The following CASQ2 variants were observed in gnomAD, a reference collection of about 807,000 sequenced individuals.
The protein encoded by CASQ2 is calsequestrin 2, also known as calsequestrin-2.
A neutral mutation model predicts 46.5 loss-of-function variants in CASQ2; 49 were observed. The observed-to-expected ratio is 1.05, with a 90% CI of 0.84 to 1.34. The LOEUF is 1.34. CASQ2 is among the 40% of genes most tolerant of loss of function. CASQ2 has a pLI of 0.00. For missense variants in CASQ2, 486 were observed against 481.3 expected, an observed-to-expected ratio of 1.01 and a Z score of -0.09; for synonymous variants, 174 against 168.5, an observed-to-expected ratio of 1.03 and a Z score of -0.25.
At chr1:115,742,418 G>A (rs1648219865) in intron 2 of CASQ2, among the ~76,000 whole-genome samples, 1 of 152,038 alleles carries the variant, frequency 6.6e-6, no homozygotes, top group Non-Finnish European at 1.5e-5. Flanking sequence ...CAACTTGATA[G>A]AGGCCAAAAT....
intron 1 of CASQ2, among the ~76,000 whole-genome samples, chr1:115,768,080 G>A (rs988819066): frequency 2.0e-5 from 3 of 152,186 alleles, no homozygotes; most frequent in Admixed American, 6.5e-5. Context: ...CAGACCCATC[G>A]TAGTGTAGCA....
intron 1 of CASQ2, among the ~76,000 whole-genome samples, chr1:115,748,848 C>T (rs1197476992): frequency 6.6e-6 from 1 of 152,092 alleles, no homozygotes; most frequent in African/African-American, 2.4e-5. Context: ...TAGTAAGTTT[C>T]CTTACTCCTA....
In CASQ2 at chr1:115,701,367, C is replaced by T. The variant is rs753872950; in HGVS notation, c.1074G>A (p.Leu358=). ...DDDDLPTAEE[L]EDWIEDVLSG... ...AAAGCACATCCTCAATCCAGTCCTC[C>T]AGCTCCTCAGCAGTTGGAAGATCGT... The change falls in exon 11 of 11, where the codon CTG becomes CTA. Residue 358 remains leucine (L), a synonymous_variant. Coordinates refer to ENST00000261448, the MANE Select transcript of CASQ2 (RefSeq NM_001232.4). The T allele has an allele frequency of 2.2e-5, 35 of 1,613,862 alleles. No individual in the cohort carries two copies. In the East Asian group the frequency reaches 7.6e-4, roughly 35 times the overall value.
chr1:115,707,177 C>A lies in CASQ2; in HGVS notation c.839-1885G>T, dbSNP rs529598485. Among the ~76,000 whole-genome samples, 14 of 152,178 alleles carry A rather than the reference C, an allele frequency of 9.2e-5. No individual in the cohort carries two copies. The Middle Eastern group carries it at 0.017, about 185-fold the overall frequency. On this transcript the variant is annotated intron_variant, in intron 8 of 10. Transcript: ENST00000261448. The stretch of plus-strand genomic sequence containing the variant: ...AACTACAGGTGTGTGCCACTATGCC[C>A]AGCTAGTCTTTTAAATTTTATTGTT...
chr1:115,749,968 A>G (rs1427440943), intron 1 of CASQ2, among the ~76,000 whole-genome samples: 1 of 152,226 alleles, frequency 6.6e-6, no homozygotes, highest in East Asian at 1.9e-4. Flanking sequence ...TCTGGCACTT[A>G]TTGTGTAATC....
Position 115,768,699 on chromosome 1 carries a change from G to T in CASQ2, c.-158C>A. 1.6e-6 allele frequency: 1 copy of T among 639,946 alleles called. No individual in the cohort carries two copies. Among genetic ancestry groups the T allele is most frequent in the Non-Finnish European group, 2.8e-6 (1 of 358,834 alleles). 39.6% of individuals were successfully genotyped at this position (639,946 alleles called of 1,614,324 possible). On this transcript the variant is annotated 5_prime_UTR_variant, in exon 1 of 11. Coordinates refer to ENST00000261448, the MANE Select transcript of CASQ2 (RefSeq NM_001232.4). Reference sequence around the variant, plus strand: ...CTGAAAAGTGACTCTTCACCTCCTTGGGTCCAGCCAGCTCTGGAATCGTGG... The same window carrying T: ...CTGAAAAGTGACTCTTCACCTCCTTTGGTCCAGCCAGCTCTGGAATCGTGG...
chr1:115,708,805 TG>T (rs1406520624), intron 8 of CASQ2, among the ~76,000 whole-genome samples: 2 of 152,038 alleles, frequency 1.3e-5, no homozygotes, highest in Non-Finnish European at 2.9e-5. Flanking sequence ...GCACTGGGAG[TG>T]GGGTAGAGGC....
At chr1:115,750,106 A>G (rs1374064291) in intron 1 of CASQ2, among the ~76,000 whole-genome samples, 1 of 152,214 alleles carries the variant, frequency 6.6e-6, no homozygotes, top group Non-Finnish European at 1.5e-5. Flanking sequence ...GAATGGGTGG[A>G]TTGGTCCAAG....
At chr1:115,725,315 C>T (rs1233972921) in intron 7 of CASQ2, among the ~76,000 whole-genome samples, 193 bp downstream of exon 7, 1 of 152,088 alleles carries the variant, frequency 6.6e-6, no homozygotes, top group Non-Finnish European at 1.5e-5. Flanking sequence ...TGATCCCTGG[C>T]CCCGGCCTCC....
intron 7 of CASQ2, among the ~76,000 whole-genome samples, chr1:115,724,570 T>G (rs975848923): frequency 1.1e-4 from 16 of 152,224 alleles, no homozygotes; most frequent in African/African-American, 3.9e-4. Flanking sequence ...CTTTGTTATT[T>G]ATGAACTTCT....
intron 1 of CASQ2, among the ~76,000 whole-genome samples, chr1:115,766,217 A>G (rs1649128880): frequency 6.6e-6 from 1 of 152,162 alleles, no homozygotes; most frequent in African/African-American, 2.4e-5. Flanking sequence ...AACCATCTTA[A>G]ACAGGCTACC....
At chr1:115,728,640 A>C (rs1356807781) in intron 5 of CASQ2, among the ~76,000 whole-genome samples, 1 of 152,206 alleles carries the variant, frequency 6.6e-6, no homozygotes, top group Non-Finnish European at 1.5e-5. Context: ...AAACATATGG[A>C]GTGCTTATCA....
chr1:115,714,087 C>T (rs980395472), intron 8 of CASQ2, among the ~76,000 whole-genome samples: 1 of 152,120 alleles, frequency 6.6e-6, no homozygotes, highest in African/African-American at 2.4e-5. Context: ...TATGGCAGGG[C>T]CTTGTGGTTA....
In CASQ2 at chr1:115,701,300, C is replaced by T. The variant is rs2101052176; in HGVS notation, c.1141G>A (p.Asp381Asn). The change falls in exon 11 of 11, where the codon GAT becomes AAT. Residue 381 changes from aspartate (D) to asparagine (N), a missense_variant. Coordinates refer to ENST00000261448, the MANE Select transcript of CASQ2 (RefSeq NM_001232.4). ...NTEDDDEDDDDDDNSDEEDND... is the reference protein window; with the variant it reads ...NTEDDDEDDDNDDNSDEEDND... ...TCCTCTTCATCAGAATTATCATCAT[C>T]ATCATCATCTTCATCATCATCTTCA... is the stretch of plus-strand genomic sequence containing the variant. 1 of 1,598,546 alleles carries T rather than the reference C, an allele frequency of 6.3e-7. No individual in the cohort carries two copies. The highest frequency in any genetic ancestry group is 8.6e-7 in the Non-Finnish European group (1 of 1,165,940).
chr1:115,766,549 T>C (rs1649137477), intron 1 of CASQ2, among the ~76,000 whole-genome samples: 2 of 152,294 alleles, frequency 1.3e-5, no homozygotes, highest in Admixed American at 1.3e-4. Context: ...AAAATGAAGC[T>C]CTGAGAAATT....
chr1:115,736,589 A>G (rs1647970345), intron 4 of CASQ2, among the ~76,000 whole-genome samples: 1 of 152,130 alleles, frequency 6.6e-6, no homozygotes. Flanking sequence ...GTGAGCCAAG[A>G]TCATGCCACT....
chr1:115,715,789 G>A (rs1240734155), intron 8 of CASQ2, among the ~76,000 whole-genome samples: 1 of 152,190 alleles, frequency 6.6e-6, no homozygotes, highest in Non-Finnish European at 1.5e-5. Context: ...AAAAGGGAAG[G>A]AAAAGCTGGT....
intron 1 of CASQ2, among the ~76,000 whole-genome samples, chr1:115,746,828 A>G (rs1648405604): frequency 1.3e-5 from 2 of 152,180 alleles, no homozygotes; most frequent in African/African-American, 4.8e-5. Context: ...TCCATAGGGT[A>G]CACAGTGATG....
At chr1:115,748,987 A>G (rs1218706246) in intron 1 of CASQ2, among the ~76,000 whole-genome samples, 2 of 152,136 alleles carry the variant, frequency 1.3e-5, no homozygotes, top group Non-Finnish European at 2.9e-5. Context: ...TCAGGAATCT[A>G]CGTTTTTATA....
Sources: allele counts gnomAD v4.1 joint callset (sites outside exome capture counted in the v4.1 genomes callset), GRCh38; gene constraint gnomAD v4.1.1; transcripts MANE v1.5; gene names NCBI Gene and HGNC (gene_info 2026-07-23, HGNC 2026-07-21).